CLEC1A: variants seen among roughly 807,000 people sequenced by gnomAD.
CLEC1A encodes the protein C-type lectin domain family 1 member A, also known as C-type lectin-like receptor-1.
A neutral mutation model predicts 28.7 loss-of-function variants in CLEC1A; 34 were observed. That is an observed-to-expected ratio of 1.18 (90% CI 0.90 to 1.57). The LOEUF (loss-of-function observed/expected upper bound fraction) is 1.57. CLEC1A is among the 40% of genes most tolerant of loss of function. The pLI is 0.00. For synonymous variants in CLEC1A, 116 were observed against 121.0 expected (o/e 0.96, Z 0.27); for missense variants, 385 against 339.5 (o/e 1.13, Z -1.05).
At chr12:10,096,489 T>C (rs981383643) in intron 1 of CLEC1A, among the ~76,000 whole-genome samples, 5 of 152,210 alleles carry the variant, frequency 3.3e-5, no homozygotes, top group African/African-American at 4.8e-5. Context: ...CAGTTTCATA[T>C]ACCTTCAACT....
At position 10,089,119 on chromosome 12, in the gene CLEC1A, C is replaced by T; in HGVS notation, c.214+5G>A. The T allele has an allele frequency of 6.2e-7, 1 of 1,611,814 alleles. No individual in the cohort carries two copies. The highest frequency in any genetic ancestry group is 8.5e-7 in the Non-Finnish European group (1 of 1,177,908). On this transcript the variant is annotated splice_donor_5th_base_variant and intron_variant, in intron 2 of 5. Coordinates refer to ENST00000315330, the MANE Select transcript of CLEC1A (RefSeq NM_016511.4). ...ATCCTCCCCCAGGTCAGAGCGCAGACTTACACAAAAGCCCCAGGGCTGCCA... is the reference window on the plus strand; with the variant it reads ...ATCCTCCCCCAGGTCAGAGCGCAGATTTACACAAAAGCCCCAGGGCTGCCA...
At chr12:10,085,818 T>A (rs192163718) in intron 2 of CLEC1A, among the ~76,000 whole-genome samples, 1 of 152,272 alleles carries the variant, frequency 6.6e-6, no homozygotes, top group Non-Finnish European at 1.5e-5. Context: ...CTTAAAACTA[T>A]ATCCTAGGAC....
intron 1 of CLEC1A, among the ~76,000 whole-genome samples, chr12:10,093,382 A>AAAC (rs1033774344): frequency 2.0e-5 from 3 of 151,508 alleles, no homozygotes; most frequent in African/African-American, 4.8e-5. Context: ...AGAAAAAAAA[A>AAAC]AAAAACCTTT....
At chr12:10,087,137 G>A (rs1302398041) in intron 2 of CLEC1A, among the ~76,000 whole-genome samples, 2 of 146,650 alleles carry the variant, frequency 1.4e-5, no homozygotes, top group Non-Finnish European at 3.0e-5. Flanking sequence ...CCCGGGAGGC[G>A]AAGGTTGCAG....
intron 2 of CLEC1A, among the ~76,000 whole-genome samples, chr12:10,081,980 A>T (rs981177919): frequency 2.6e-5 from 4 of 152,138 alleles, no homozygotes; most frequent in African/African-American, 9.7e-5. Flanking sequence ...GAAGCAGAGG[A>T]AAGAGTCCTG....
In CLEC1A at chr12:10,073,371, G is replaced by A. The variant is rs1866181773; in HGVS notation, c.584C>T (p.Ser195Phe). 6.2e-7 allele frequency: 1 copy of A among 1,614,024 alleles called. No individual in the cohort carries two copies. The highest frequency in any genetic ancestry group is 8.5e-7 in the Non-Finnish European group (1 of 1,179,946). Reference sequence around the variant, plus strand: ...AGGGCGCAAAAGCCCTGTCCAATAAGAGTAGAAAAACTCAGAGTAGCTCTG... The same window carrying A: ...AGGGCGCAAAAGCCCTGTCCAATAAAAGTAGAAAAACTCAGAGTAGCTCTG... ...ASQSYSEFFY[S>F]YWTGLLRPDS... Residue 195 changes from serine (S) to phenylalanine (F), a missense_variant, in exon 5 of 6, where the codon TCT becomes TTT. By Grantham distance (155) the Ser-to-Phe change is radical. Transcript: ENST00000315330.
intron 1 of CLEC1A, chr12:10,092,564 G>A (rs754814360): frequency 1.0e-5 from 2 of 199,852 alleles, no homozygotes; most frequent in East Asian, 1.8e-4. Context: ...GTAATGAAAT[G>A]AAATGAAATA....
At chr12:10,092,734 A>T (rs1191216209) in intron 1 of CLEC1A, among the ~76,000 whole-genome samples, 2 of 152,186 alleles carry the variant, frequency 1.3e-5, no homozygotes, top group Non-Finnish European at 2.9e-5. Flanking sequence ...AATAATAATT[A>T]TATTCATGAA....
At position 10,070,536 on chromosome 12, in the gene CLEC1A, A is replaced by G. The variant is rs1866103980; in HGVS notation, c.*797T>C. ...TCTTCAGTACCTGAAAGGTATAAAT[A>G]TGGGTCAATGGAAGAAAATAGGAAC... On this transcript the variant is annotated 3_prime_UTR_variant, in exon 6 of 6. Coordinates refer to ENST00000315330, the MANE Select transcript of CLEC1A (RefSeq NM_016511.4). The G allele has an allele frequency of 6.6e-6, 1 of 152,258 alleles. No homozygotes were observed. Among genetic ancestry groups the G allele is most frequent in the Admixed American group, 6.5e-5 (1 of 15,286 alleles). The allele number at this position is 152,258 out of a possible 1,614,324, so 9.4% of individuals were successfully genotyped here. A position where few individuals can be genotyped will look rare whatever the true frequency, so the allele number is the denominator to read the frequency against.
chr12:10,091,266 A>G (rs759177289), intron 1 of CLEC1A, among the ~76,000 whole-genome samples: 1 of 152,222 alleles, frequency 6.6e-6, no homozygotes, highest in African/African-American at 2.4e-5. Flanking sequence ...TGCCTGGGAC[A>G]TAAGGGCTGA....
chr12:10,073,531 G>T, intron 4 of CLEC1A, 120 bp from the exon 5 acceptor site: 1 of 684,026 alleles, frequency 1.5e-6, no homozygotes, highest in Non-Finnish European at 2.6e-6. Flanking sequence ...TCACATTGAT[G>T]CTCATATGCT....
intron 2 of CLEC1A, among the ~76,000 whole-genome samples, chr12:10,081,709 G>A (rs1866376286): frequency 1.3e-5 from 2 of 150,734 alleles, no homozygotes; most frequent in Admixed American, 1.3e-4. Context: ...CTCACACTGT[G>A]AACTTTTCCT....
rs1276374961 is a variant in CLEC1A, at chr12:10,069,620, C to A, written c.*1713G>T. The A allele has an allele frequency of 1.3e-5, 2 of 152,220 alleles. No homozygotes were observed. The highest frequency in any genetic ancestry group is 4.8e-5 in the African/African-American group (2 of 41,444). 9.4% of individuals were successfully genotyped at this position (152,220 alleles called of 1,614,324 possible). On this transcript the variant is annotated 3_prime_UTR_variant, in exon 6 of 6. Transcript: ENST00000315330. ...GAGGAAATTATAATTATTTCTACTT[C>A]ATATGCAGTGAAATAGGTTTCATGA...
Position 10,075,561 on chromosome 12 carries a change from T to G in CLEC1A, c.486A>C (p.Lys162Asn), listed in dbSNP as rs1222289332. 2 of 1,614,004 alleles carry G rather than the reference T, an allele frequency of 1.2e-6. No homozygotes were observed. Among genetic ancestry groups the G allele is most frequent in the African/African-American group, 1.3e-5 (1 of 75,030 alleles). ...YKDSKSWEDC[K>N]YFCLSENSTM... ...TAGAGTTTTCACTAAGGCAGAAATA[T>G]TTACAGTCCTCCCAACTTTTGCTGT... The change falls in exon 4 of 6, where the codon AAA becomes AAC. Residue 162 changes from lysine (K) to asparagine (N), a missense_variant. By Grantham distance (94) the Lys-to-Asn change is moderately conservative. Transcript: ENST00000315330.
At position 10,095,918 on chromosome 12, in the gene CLEC1A, T is replaced by G. The variant is rs569770590; in HGVS notation, c.115+2890A>C. On this transcript the variant is annotated intron_variant, in intron 1 of 5. Transcript: ENST00000315330. ...TCCTTTTGGAATCTTTCATTCTTCT[T>G]GCTCCTCAGGTGTTGATATTCCCTC... is the stretch of plus-strand genomic sequence containing the variant. Among the ~76,000 whole-genome samples the G allele has an allele frequency of 6.0e-4, 91 of 152,304 alleles. 1 individual carries two copies. The highest frequency in any genetic ancestry group is 2.1e-3 in the African/African-American group (89 of 41,570).
chr12:10,076,682 T>G (rs11053572), intron 3 of CLEC1A, among the ~76,000 whole-genome samples: 1 of 152,256 alleles, frequency 6.6e-6, no homozygotes, highest in Admixed American at 6.5e-5. Flanking sequence ...ATGGGAATGA[T>G]GCTTACCTAA....
rs928196643 is a variant in CLEC1A at position 10,071,056 on chromosome 12, A to T, written c.*277T>A. On this transcript the variant is annotated 3_prime_UTR_variant, in exon 6 of 6. Transcript: ENST00000315330. ...GTGATATTAGACATTGAGAAGAAAG[A>T]GAGCTAAAAGTTATCTCTAAGCCAA... 5.1e-5 allele frequency: 13 copies of T among 254,720 alleles called. No individual in the cohort carries two copies. Among genetic ancestry groups the T allele is most frequent in the Non-Finnish European group, 9.6e-5 (13 of 135,288 alleles). 15.8% of individuals were successfully genotyped at this position (254,720 alleles called of 1,614,324 possible). A position where few individuals can be genotyped will look rare whatever the true frequency, so the allele number is the denominator to read the frequency against.
intron 3 of CLEC1A, among the ~76,000 whole-genome samples, chr12:10,078,055 C>T (rs1866291878): frequency 3.3e-5 from 5 of 152,130 alleles, no homozygotes; most frequent in African/African-American, 1.2e-4. Context: ...TTTCCACAAA[C>T]AATATCCTAG....
chr12:10,083,022 A>G (rs1866403027), intron 2 of CLEC1A, among the ~76,000 whole-genome samples: 1 of 152,254 alleles, frequency 6.6e-6, no homozygotes, highest in African/African-American at 2.4e-5. Context: ...AGACCAGAAG[A>G]TGGATCATAT....
Sources: allele counts gnomAD v4.1 joint callset (sites outside exome capture counted in the v4.1 genomes callset), GRCh38; gene constraint gnomAD v4.1.1; transcripts MANE v1.5; gene names NCBI Gene and HGNC (gene_info 2026-07-23, HGNC 2026-07-21).